DOCK4: variants seen among roughly 807,000 people sequenced by gnomAD.
DOCK4 encodes the protein dedicator of cytokinesis 4, also known as dedicator of cytokinesis protein 4.
Under a neutral mutation model 268.1 loss-of-function variants are expected in DOCK4, and 97 were observed. That is an observed-to-expected ratio of 0.36 (90% CI 0.31 to 0.43). DOCK4 has a LOEUF of 0.43. Among genes scored for constraint, DOCK4 ranks in the 20% least tolerant of loss-of-function variants. The pLI, the probability that DOCK4 is intolerant of heterozygous loss-of-function variation, is 1.00. For synonymous variants in DOCK4, 954 were observed against 887.2 expected (o/e 1.08, Z -1.34); for missense variants, 2,145 against 2,455.7 (o/e 0.87, Z 2.67).
intron 1 of DOCK4, among the ~76,000 whole-genome samples, chr7:112,160,656 C>T (rs1817028468): frequency 6.6e-6 from 1 of 152,200 alleles, no homozygotes; most frequent in Non-Finnish European, 1.5e-5. Context: ...CAGGCACCCC[C>T]ACTGCCCCAG....
intron 26 of DOCK4, among the ~76,000 whole-genome samples, chr7:111,824,922 T>C (rs1483088995): frequency 6.6e-6 from 1 of 152,198 alleles, no homozygotes; most frequent in East Asian, 1.9e-4. Flanking sequence ...CCATTCAAGC[T>C]TCATTGACAT....
intron 27 of DOCK4, among the ~76,000 whole-genome samples, chr7:111,814,333 G>A (rs745891549): frequency 5.3e-5 from 8 of 152,068 alleles, no homozygotes; most frequent in Non-Finnish European, 1.2e-4. Flanking sequence ...AACCTGCCCC[G>A]GGCCCTAGAA....
At chr7:112,015,871 C>G (rs756333263) in intron 1 of DOCK4, among the ~76,000 whole-genome samples, 2 of 152,100 alleles carry the variant, frequency 1.3e-5, no homozygotes, top group Admixed American at 1.3e-4. Context: ...GGTGGAAGGA[C>G]GAAGAACATG....
At position 111,742,151 on chromosome 7, in the gene DOCK4, G is replaced by A. The variant is rs752234953; in HGVS notation, c.4678-19C>T. 1.9e-6 allele frequency: 3 copies of A among 1,557,822 alleles called. No homozygotes were observed. The highest frequency in any genetic ancestry group is 8.7e-7 in the Non-Finnish European group (1 of 1,154,910). On this transcript the variant is annotated intron_variant, in intron 44 of 52. Coordinates refer to ENST00000428084, the MANE Select transcript of DOCK4 (RefSeq NM_001363540.2). ...TCTGTGCCTTAATTCACAACATAAG[G>A]AAAAAACCTCACATCAATGACTACC... is the stretch of plus-strand genomic sequence containing the variant.
intron 1 of DOCK4, among the ~76,000 whole-genome samples, chr7:112,124,013 T>C (rs1812988650): frequency 6.6e-6 from 1 of 152,066 alleles, no homozygotes; most frequent in Non-Finnish European, 1.5e-5. Context: ...TTGCTGATCA[T>C]TAAGAAACTA....
At chr7:111,733,002 G>A (rs1177347572) in intron 51 of DOCK4, among the ~76,000 whole-genome samples, 1 of 152,214 alleles carries the variant, frequency 6.6e-6, no homozygotes, top group African/African-American at 2.4e-5. Context: ...CTGTGTGCAT[G>A]CTTGTATAGC....
chr7:112,065,116 C>A (rs1415033371), intron 1 of DOCK4, among the ~76,000 whole-genome samples: 1 of 152,202 alleles, frequency 6.6e-6, no homozygotes, highest in Non-Finnish European at 1.5e-5. Context: ...CAGGTTCTAG[C>A]CTGCATTCTG....
At chr7:112,146,855 G>A (rs936774257) in intron 1 of DOCK4, among the ~76,000 whole-genome samples, 8 of 152,140 alleles carry the variant, frequency 5.3e-5, no homozygotes, top group African/African-American at 1.9e-4. Flanking sequence ...TTAGACGAGT[G>A]TAACAGTATC....
chr7:112,128,576 A>G (rs1271188850), intron 1 of DOCK4, among the ~76,000 whole-genome samples: 1 of 152,212 alleles, frequency 6.6e-6, no homozygotes, highest in Non-Finnish European at 1.5e-5. Flanking sequence ...TACTAAGAGA[A>G]ATTCTTCTGC....
At chr7:111,759,860 A>G (rs1797266121) in intron 40 of DOCK4, among the ~76,000 whole-genome samples, 1 of 151,932 alleles carries the variant, frequency 6.6e-6, no homozygotes, top group East Asian at 1.9e-4. Context: ...AGCAGTTTCC[A>G]CAGGATATGT....
intron 11 of DOCK4, among the ~76,000 whole-genome samples, chr7:111,938,843 CAT>C (rs1310349227): frequency 2.6e-5 from 4 of 151,970 alleles, no homozygotes; most frequent in Admixed American, 2.0e-4. Context: ...GGCATGGTGG[CAT>C]GCGCCTGTAA....
chr7:112,007,979 G>T (rs1001028584), intron 1 of DOCK4, among the ~76,000 whole-genome samples: 1 of 151,930 alleles, frequency 6.6e-6, no homozygotes, highest in Non-Finnish European at 1.5e-5. Flanking sequence ...ACTTCCCAGG[G>T]GCATTTTCCC....
At chr7:111,913,698 C>A (rs370036619) in intron 13 of DOCK4, among the ~76,000 whole-genome samples, 3 of 150,152 alleles carry the variant, frequency 2.0e-5, no homozygotes, top group Non-Finnish European at 4.4e-5. Flanking sequence ...CATGAGCCAC[C>A]GCGCCCGGCC....
Position 112,007,948 on chromosome 7 carries a change from T to C in DOCK4, c.38-3817A>G, listed in dbSNP as rs1278645656. 2.0e-5 allele frequency among the ~76,000 whole-genome samples: 3 copies of C among 152,366 alleles called. No individual in the cohort carries two copies. In the East Asian group the frequency reaches 5.8e-4, roughly 29 times the overall value. On this transcript the variant is annotated intron_variant, in intron 1 of 52. Transcript: ENST00000428084. ...TTATTATAAAGTAGCTATCTCTTTA[T>C]ACAAAAGTTTATTCATGTACACTTC...
intron 16 of DOCK4, among the ~76,000 whole-genome samples, chr7:111,891,221 C>T (rs1808261349): frequency 6.6e-6 from 1 of 151,874 alleles, no homozygotes; most frequent in Non-Finnish European, 1.5e-5. Flanking sequence ...TAAAATAACA[C>T]TTGTCCACTA....
chr7:111,978,228 G>A (rs1273035841), intron 7 of DOCK4, among the ~76,000 whole-genome samples: 1 of 152,100 alleles, frequency 6.6e-6, no homozygotes, highest in Non-Finnish European at 1.5e-5. Flanking sequence ...CAAAGACCCA[G>A]ATTACTGTTA....
chr7:111,969,601 G>C (rs547261392), intron 8 of DOCK4, among the ~76,000 whole-genome samples: 1 of 150,530 alleles, frequency 6.6e-6, no homozygotes, highest in South Asian at 2.1e-4. Flanking sequence ...AATCTCAGGT[G>C]AATAGGTTCT....
rs769731508 is a variant in DOCK4, at chr7:111,735,107, G to C, written c.5366C>G (p.Ser1789Trp). The C allele has an allele frequency of 5.0e-6, 8 of 1,602,470 alleles. No homozygotes were observed. The highest frequency in any genetic ancestry group is 6.8e-6 in the Non-Finnish European group (8 of 1,174,456). Residue 1789 changes from serine (S) to tryptophan (W), a missense_variant, in exon 51 of 53, where the codon TCG (serine) becomes TGG (tryptophan). Ser to Trp is a radical substitution (Grantham distance 177). Around this residue, in one of 2 missense-constraint regions of DOCK4, gnomAD observed 547 missense variants for 469.0 expected, o/e 1.17. Transcript: ENST00000428084. ...GGGAGAGATAAGTTTCCCACTATCC[G>C]ACATGTTCTTGGCTTCCTTCCCACT... ...LDSGKEAKNMSDSGKLISPPV... is the reference protein window; with the variant it reads ...LDSGKEAKNMWDSGKLISPPV...
At chr7:112,105,849 T>C (rs530319983) in intron 1 of DOCK4, among the ~76,000 whole-genome samples, 2 of 152,072 alleles carry the variant, frequency 1.3e-5, no homozygotes, top group South Asian at 4.2e-4. Flanking sequence ...CCACAATGTC[T>C]GGCTAATTTT....
Sources: gnomAD v4.1 joint callset for allele counts (sites outside exome capture counted in the v4.1 genomes callset) on GRCh38, gnomAD v4.1.1 for gene constraint, gnomAD v4.1.1 regional missense constraint, MANE v1.5 for transcripts, NCBI Gene and HGNC (gene_info 2026-07-23, HGNC 2026-07-21) for gene names.